The following COLQ variants were observed in gnomAD, a reference collection of about 807,000 sequenced individuals.
The protein encoded by COLQ is acetylcholinesterase collagenic tail peptide.
In COLQ, 48 loss-of-function variants were observed where a neutral mutation model predicts 69.0. The observed-to-expected ratio is 0.70, with a 90% CI of 0.55 to 0.88. The LOEUF is 0.88. Ranked by LOEUF, COLQ falls within the 40% of genes least tolerant of loss-of-function variation. The probability of loss-of-function intolerance (pLI) is 0.00; values close to 1 mark genes in which losing one functional copy is unlikely to be tolerated. For missense variants in COLQ, 618 were observed against 594.6 expected (o/e 1.04, Z -0.41); for synonymous variants, 217 against 211.2 (o/e 1.03, Z -0.24).
chr3:15,466,624 G>C (rs2062204762), intron 11 of COLQ, among the ~76,000 whole-genome samples, 187 bp from the exon 12 acceptor site: 1 of 150,076 alleles, frequency 6.7e-6, no homozygotes, highest in African/African-American at 2.5e-5. Context: ...GATAGTGATG[G>C]CTACAAATTT....
chr3:15,474,404 G>A, intron 8 of COLQ, 132 bp from the exon 9 acceptor site: 3 of 936,712 alleles, frequency 3.2e-6, no homozygotes, highest in South Asian at 1.3e-5. Context: ...GATATGTCAG[G>A]TGACTTCTCC....
At chr3:15,497,036 CTTTT>C (rs371974104) in intron 1 of COLQ, among the ~76,000 whole-genome samples, 2 of 107,528 alleles carry the variant, frequency 1.9e-5, no homozygotes, top group African/African-American at 7.4e-5. Flanking sequence ...GTCCTTTTGC[CTTTT>C]TTTTTTTTTT....
At chr3:15,503,833 C>T (rs186042886) in intron 1 of COLQ, among the ~76,000 whole-genome samples, 63 of 151,850 alleles carry the variant, frequency 4.1e-4, no homozygotes, top group African/African-American at 1.5e-3. Flanking sequence ...GATCTTCCTC[C>T]ACCACCACCA....
chr3:15,498,368 T>C (rs2062779256), intron 1 of COLQ: 6 of 804,710 alleles, frequency 7.5e-6, no homozygotes, highest in Non-Finnish European at 1.1e-5. Context: ...AACAGCCCTG[T>C]GAAAGAAAAA....
intron 1 of COLQ, chr3:15,498,768 C>T: frequency 6.6e-7 from 1 of 1,516,060 alleles, no homozygotes; most frequent in Non-Finnish European, 8.8e-7. Context: ...CAGTCCTGAG[C>T]TCCTGGGAGT....
At chr3:15,455,775 T>A (rs2062014588) in intron 15 of COLQ, 124 bp downstream of exon 15, 1 of 1,330,224 alleles carries the variant, frequency 7.5e-7, no homozygotes, top group African/African-American at 1.5e-5. Flanking sequence ...CAAGGTGGCC[T>A]GGGTATACCC....
chr3:15,520,137 G>A (rs576418678), intron 1 of COLQ, among the ~76,000 whole-genome samples: 1 of 152,306 alleles, frequency 6.6e-6, no homozygotes, highest in South Asian at 2.1e-4. Context: ...CACCAAATTA[G>A]GCCAAATTAA....
rs1460517239 is a variant in COLQ, at chr3:15,488,274, C to T, written c.253G>A (p.Glu85Lys). Residue 85 changes from glutamate to lysine, a missense_variant, in exon 3 of 17, where the codon GAA becomes AAA. Physicochemically the swap from Glu to Lys is moderately conservative, Grantham distance 56. Coordinates refer to ENST00000383788, the MANE Select transcript of COLQ (RefSeq NM_005677.4). ...CACGGGGACTGCGAGGTCTCCAGTT[C>T]CAGCATGAGATTCTTCATGTCTGGG... ...LSPDMKNLML[E>K]LETSQSPCMQ... The T allele has an allele frequency of 4.3e-6, 7 of 1,613,656 alleles. No homozygotes were observed. The East Asian group carries it at 1.6e-4, about 36-fold the overall frequency.
intron 12 of COLQ, among the ~76,000 whole-genome samples, chr3:15,462,699 G>A (rs1022263508): frequency 3.3e-5 from 5 of 152,212 alleles, no homozygotes; most frequent in East Asian, 1.9e-4. Context: ...CTGCAGAAAC[G>A]TTACCAATGG....
chr3:15,463,558 G>A (rs1267556020), intron 12 of COLQ, among the ~76,000 whole-genome samples: 1 of 151,968 alleles, frequency 6.6e-6, no homozygotes, highest in East Asian at 1.9e-4. Context: ...GTGTTAGCCA[G>A]GATGGTCTCG....
chr3:15,478,671 G>A, intron 5 of COLQ: 1 of 518,476 alleles, frequency 1.9e-6, no homozygotes, highest in South Asian at 2.3e-5. Context: ...GGGTTTCTCT[G>A]ATGGGTAGCA....
At chr3:15,496,244 A>T (rs1228650464) in intron 1 of COLQ, 1 of 124,948 alleles carries the variant, frequency 8.0e-6, no homozygotes, top group Admixed American at 8.4e-5. Flanking sequence ...CCCTTGACCC[A>T]CTTTCTTCCC....
At chr3:15,516,993 T>G (rs912194387) in intron 1 of COLQ, among the ~76,000 whole-genome samples, 1 of 151,998 alleles carries the variant, frequency 6.6e-6, no homozygotes, top group Admixed American at 6.6e-5. Flanking sequence ...AATACAAAAA[T>G]TTGTCAGGCT....
intron 11 of COLQ, chr3:15,468,055 G>C: frequency 2.3e-6 from 1 of 437,070 alleles, no homozygotes; most frequent in East Asian, 7.0e-5. Flanking sequence ...TCTTAATATA[G>C]CCACAGTTCA....
intron 1 of COLQ, among the ~76,000 whole-genome samples, chr3:15,499,971 A>T (rs140711101): frequency 2.6e-5 from 4 of 152,346 alleles, no homozygotes; most frequent in Non-Finnish European, 5.9e-5. Context: ...TCTCTTATTG[A>T]CATATTCTTG....
intron 1 of COLQ, among the ~76,000 whole-genome samples, chr3:15,500,819 C>T (rs918319570): frequency 1.3e-5 from 2 of 152,180 alleles, no homozygotes; most frequent in African/African-American, 4.8e-5. Flanking sequence ...CTTTTAATTG[C>T]TCTCCAGCCA....
intron 1 of COLQ, among the ~76,000 whole-genome samples, chr3:15,512,950 G>A (rs539993960): frequency 2.8e-4 from 43 of 152,290 alleles, no homozygotes; most frequent in Non-Finnish European, 1.8e-4. Flanking sequence ...ACCACTCTGC[G>A]ATTCTGCCTT....
chr3:15,520,242 G>A (rs1392330433), intron 1 of COLQ, among the ~76,000 whole-genome samples: 1 of 152,208 alleles, frequency 6.6e-6, no homozygotes, highest in Admixed American at 6.5e-5. Context: ...AGGGGCATGT[G>A]GGCACACACC....
intron 12 of COLQ, among the ~76,000 whole-genome samples, chr3:15,458,828 G>A (rs918194874): frequency 1.3e-5 from 2 of 151,540 alleles, no homozygotes; most frequent in Non-Finnish European, 2.9e-5. Flanking sequence ...AAAAACTTTT[G>A]TTTTTCTTAT....
Sources: gnomAD v4.1 joint callset for allele counts (sites outside exome capture counted in the v4.1 genomes callset) on GRCh38, gnomAD v4.1.1 for gene constraint, MANE v1.5 for transcripts, NCBI Gene and HGNC (gene_info 2026-07-23, HGNC 2026-07-21) for gene names.